Variants in S100A8 observed in about 807,000 individuals in gnomAD.
S100A8 encodes protein S100-A8.
Under a neutral mutation model 4.2 loss-of-function variants are expected in S100A8, and 1 was observed. The ratio of observed to expected loss-of-function variants is 0.24; its 90% confidence interval spans 0.08 to 1.12. The LOEUF is 1.12. S100A8 is among the 50% of genes most tolerant of loss of function. The pLI, the probability that S100A8 is intolerant of heterozygous loss-of-function variation, is 0.53. For missense variants in S100A8, 96 were observed against 111.8 expected (o/e 0.86, Z 0.64); for synonymous variants, 41 against 44.7 (o/e 0.92, Z 0.33).
chr1:153,395,372 A>G (rs910570267), upstream of S100A8, among the ~76,000 whole-genome samples: 15 of 151,970 alleles, frequency 9.9e-5, no homozygotes, highest in Non-Finnish European at 2.2e-4. Context: ...TTCCCTGCAG[A>G]CTGGCTCCCA....
chr1:153,394,242 T>C (rs965889883), upstream of S100A8, among the ~76,000 whole-genome samples: 1 of 152,076 alleles, frequency 6.6e-6, no homozygotes, highest in Non-Finnish European at 1.5e-5. Flanking sequence ...GCAGAGCTGG[T>C]GAAGAAACCC....
chr1:153,421,880 A>G, the S100A8 span: 1 of 152,238 alleles, frequency 6.6e-6, no homozygotes, highest in Non-Finnish European at 1.5e-5. Flanking sequence ...GTGGACAAAT[A>G]CTTCTTCATC....
At chr1:153,420,486 G>A in the S100A8 span, 1 of 152,312 alleles carries the variant, frequency 6.6e-6, no homozygotes, top group African/African-American at 2.4e-5. Context: ...GGAGGAATCA[G>A]GCAAACATCT....
chr1:153,413,456 A>G, the S100A8 span, among the ~76,000 whole-genome samples: 1 of 152,180 alleles, frequency 6.6e-6, no homozygotes, highest in Non-Finnish European at 1.5e-5. Context: ...CCTGCTCTGC[A>G]CCATTACTGG....
the S100A8 span, among the ~76,000 whole-genome samples, chr1:153,415,611 T>G: frequency 6.6e-6 from 1 of 151,462 alleles, no homozygotes; most frequent in Non-Finnish European, 1.5e-5. Flanking sequence ...CAGGCTGTTT[T>G]GCATAGGAGG....
the S100A8 span, among the ~76,000 whole-genome samples, chr1:153,409,563 G>A: frequency 6.6e-6 from 1 of 152,166 alleles, no homozygotes; most frequent in African/African-American, 2.4e-5. Flanking sequence ...ACATTAGACA[G>A]ATCAATAAGA....
At chr1:153,404,332 G>C in the S100A8 span, among the ~76,000 whole-genome samples, 12,927 of 152,260 alleles carry the variant, frequency 0.085, 639 homozygotes, top group Middle Eastern at 0.12. Context: ...GAGGCCCAGT[G>C]TGGGGCTGAA....
chr1:153,414,692 A>G, the S100A8 span, among the ~76,000 whole-genome samples: 1 of 152,244 alleles, frequency 6.6e-6, no homozygotes, highest in East Asian at 1.9e-4. Context: ...CCACTTGGGA[A>G]GACAGTTTGG....
In S100A8 at chr1:153,391,063, A is replaced by AGAGG; in HGVS notation, c.-46_-45insCCTC. 1 of 986,598 alleles carries AGAGG rather than the reference A, an allele frequency of 1.0e-6. No homozygotes were observed. The highest frequency in any genetic ancestry group is 1.2e-6 in the Non-Finnish European group (1 of 830,490). 61.1% of individuals were successfully genotyped at this position (986,598 alleles called of 1,614,324 possible). On this transcript the variant is annotated 5_prime_UTR_variant, in exon 1 of 3. Transcript: ENST00000368733. Reference sequence around the variant, plus strand: ...TACCAGGTCTTCTGAAAGACAGCTGACAAGAGACATGCAGGGCTGAGAGGC... The same window carrying AGAGG: ...TACCAGGTCTTCTGAAAGACAGCTGAGAGGCAAGAGACATGCAGGGCTGAGAGGC...
chr1:153,415,863 T>C, the S100A8 span, among the ~76,000 whole-genome samples: 2,294 of 152,314 alleles, frequency 0.015, 27 homozygotes, highest in Middle Eastern at 0.037. Context: ...TGAGTTCCCA[T>C]AGGGCAGACC....
the S100A8 span, chr1:153,422,446 A>G: frequency 2.2e-6 from 2 of 896,006 alleles, no homozygotes; most frequent in African/African-American, 1.8e-5. Flanking sequence ...GATTTGGAAT[A>G]ATTAATAGCT....
chr1:153,422,388 T>A, the S100A8 span: 1 of 453,902 alleles, frequency 2.2e-6, no homozygotes, highest in Non-Finnish European at 2.9e-6. Context: ...GTCATATTGA[T>A]CAGAATTCAA....
At chr1:153,407,553 T>C in the S100A8 span, among the ~76,000 whole-genome samples, 1 of 152,190 alleles carries the variant, frequency 6.6e-6, no homozygotes, top group South Asian at 2.1e-4. Flanking sequence ...AGGGCATAGC[T>C]GAACAAAAGG....
the S100A8 span, among the ~76,000 whole-genome samples, chr1:153,403,704 C>G: frequency 6.6e-6 from 1 of 152,124 alleles, no homozygotes; most frequent in Non-Finnish European, 1.5e-5. Context: ...GTGATTGATT[C>G]CAAATAGCTA....
chr1:153,405,568 T>C, the S100A8 span, among the ~76,000 whole-genome samples: 2 of 151,708 alleles, frequency 1.3e-5, no homozygotes, highest in African/African-American at 4.8e-5. Context: ...CACATCCCGC[T>C]GGAAAAAGGT....
At chr1:153,395,615 C>T (rs1246764118), upstream of S100A8, among the ~76,000 whole-genome samples, 6 of 152,152 alleles carry the variant, frequency 3.9e-5, no homozygotes, top group African/African-American at 1.4e-4. Flanking sequence ...CACTAGTTTC[C>T]TAAAGCACAG....
At chr1:153,410,139 C>T in the S100A8 span, among the ~76,000 whole-genome samples, 16 of 152,078 alleles carry the variant, frequency 1.1e-4, no homozygotes, top group Non-Finnish European at 2.1e-4. Flanking sequence ...CAGAGCAGAA[C>T]TGAAGGAGAT....
chr1:153,390,182 A>C lies in S100A8; in HGVS notation c.203T>G (p.Phe68Cys). ...TATCACCAGAATGAGGAACTCCTGG[A>C]AGTTAACTGCACCATCAGTGTTGAT... Reference protein sequence around the residue: ...LDINTDGAVNFQEFLILVIKM... With the variant: ...LDINTDGAVNCQEFLILVIKM... Residue 68 changes from phenylalanine to cysteine, a missense_variant, in exon 3 of 3, where the codon TTC becomes TGC. Coordinates refer to ENST00000368733, the MANE Select transcript of S100A8 (RefSeq NM_002964.5). The C allele has an allele frequency of 6.2e-7, 1 of 1,614,052 alleles. No homozygotes were observed. The highest frequency in any genetic ancestry group is 8.5e-7 in the Non-Finnish European group (1 of 1,179,962).
At chr1:153,413,729 C>T in the S100A8 span, among the ~76,000 whole-genome samples, 1 of 152,084 alleles carries the variant, frequency 6.6e-6, no homozygotes, top group African/African-American at 2.4e-5. Context: ...GATGAAACCC[C>T]ATTTCTATTA....
Sources: gnomAD v4.1 joint callset for allele counts (sites outside exome capture counted in the v4.1 genomes callset) on GRCh38, gnomAD v4.1.1 for gene constraint, MANE v1.5 for transcripts, NCBI Gene and HGNC (gene_info 2026-07-23, HGNC 2026-07-21) for gene names.